The following MGAT4C variants were observed in gnomAD, a reference collection of about 807,000 sequenced individuals.
MGAT4C encodes alpha-1,3-mannosyl-glycoprotein 4-beta-N-acetylglucosaminyltransferase C.
Under a neutral mutation model 40.1 loss-of-function variants are expected in MGAT4C, and 19 were observed. The observed-to-expected ratio is 0.47, with a 90% confidence interval of 0.33 to 0.70. MGAT4C has a LOEUF of 0.70. Among genes scored for constraint, MGAT4C ranks in the 30% least tolerant of loss-of-function variants. The pLI, the probability that MGAT4C is intolerant of heterozygous loss-of-function variation, is 0.02. For missense variants in MGAT4C, 491 were observed against 563.2 expected, an observed-to-expected ratio of 0.87 and a Z score of 1.30; for synonymous variants, 181 against 187.1, an observed-to-expected ratio of 0.97 and a Z score of 0.27.
chr12:86,684,373 A>C (rs183956083), intron 2 of MGAT4C, among the ~76,000 whole-genome samples: 90 of 152,314 alleles, frequency 5.9e-4, no homozygotes, highest in African/African-American at 2.0e-3. Context: ...ATTAATTTTT[A>C]TGGCAGCATA....
At chr12:86,214,862 A>C (rs1384539558) in intron 1 of MGAT4C, among the ~76,000 whole-genome samples, 1 of 152,160 alleles carries the variant, frequency 6.6e-6, no homozygotes, top group Admixed American at 6.5e-5. Flanking sequence ...AAACATACGC[A>C]ATGGACATTC....
At chr12:86,085,645 CAA>C (rs1871673383) in intron 1 of MGAT4C, among the ~76,000 whole-genome samples, 2 of 151,872 alleles carry the variant, frequency 1.3e-5, no homozygotes, top group African/African-American at 4.8e-5. Flanking sequence ...ATCCATTTCA[CAA>C]AGAGGTAATA....
At chr12:86,508,048 T>A (rs1326922511) in intron 2 of MGAT4C, among the ~76,000 whole-genome samples, 3 of 151,756 alleles carry the variant, frequency 2.0e-5, no homozygotes, top group African/African-American at 7.3e-5. Flanking sequence ...ATGTGTGTCT[T>A]TAATATTTTT....
intron 1 of MGAT4C, among the ~76,000 whole-genome samples, chr12:86,119,722 CTTT>C (rs11306440): frequency 6.5e-5 from 8 of 122,186 alleles, no homozygotes; most frequent in Admixed American, 1.7e-4. Context: ...TCCCACCATT[CTTT>C]TTTTTTTTTT....
chr12:85,984,601 T>C (rs965131797), intron 3 of MGAT4C, among the ~76,000 whole-genome samples: 2 of 152,160 alleles, frequency 1.3e-5, no homozygotes, highest in East Asian at 1.9e-4. Context: ...TAATCATCAT[T>C]TGATCAAGCC....
At chr12:86,174,189 A>G (rs1417796085) in intron 1 of MGAT4C, among the ~76,000 whole-genome samples, 1 of 151,428 alleles carries the variant, frequency 6.6e-6, no homozygotes, top group African/African-American at 2.4e-5. Flanking sequence ...ATGCATCTTC[A>G]TTTTTGATAT....
intron 3 of MGAT4C, among the ~76,000 whole-genome samples, chr12:86,408,656 T>A (rs549951039): frequency 1.3e-5 from 2 of 151,658 alleles, no homozygotes; most frequent in South Asian, 4.2e-4. Flanking sequence ...GAAAGATTTA[T>A]AATAATTTTT....
chr12:85,989,630 G>A lies in MGAT4C; in HGVS notation c.-6-78C>T, dbSNP rs1885654399. 5 of 1,310,006 alleles carry A rather than the reference G, an allele frequency of 3.8e-6. No individual in the cohort carries two copies. In the African/African-American group the frequency reaches 4.5e-5, roughly 12 times the overall value. The allele number at this position is 1,310,006 out of a possible 1,614,324, so 81.1% of individuals were successfully genotyped here. On this transcript the variant is annotated intron_variant, in intron 2 of 4. Transcript: ENST00000611864. ...TCTTTATCGCATATATAAAAGTCAG[G>A]TCCTTGTAAAATTTCATCTTTCAAA...
intron 1 of MGAT4C, among the ~76,000 whole-genome samples, chr12:86,753,699 G>A (rs555897024): frequency 2.0e-4 from 30 of 151,994 alleles, no homozygotes; most frequent in Non-Finnish European, 3.8e-4. Context: ...AATTTAAAAG[G>A]TAGGCAAATG....
chr12:86,037,151 T>G (rs1485133520), intron 2 of MGAT4C, among the ~76,000 whole-genome samples: 1 of 150,202 alleles, frequency 6.7e-6, no homozygotes, highest in Non-Finnish European at 1.5e-5. Context: ...TCGATCATTT[T>G]TTATTGCATC....
intron 1 of MGAT4C, among the ~76,000 whole-genome samples, chr12:86,765,306 A>G (rs1396504021): frequency 1.3e-5 from 2 of 152,184 alleles, no homozygotes; most frequent in African/African-American, 2.4e-5. Flanking sequence ...CAAGAAGGGA[A>G]GTGTAGAGAA....
intron 3 of MGAT4C, among the ~76,000 whole-genome samples, chr12:86,359,229 T>A (rs553939546): frequency 6.6e-6 from 1 of 152,294 alleles, no homozygotes. Context: ...GAAGGACTAC[T>A]GGGTACCTAA....
In MGAT4C at chr12:85,962,062, A is replaced by AAACAAAGAGTT. The variant is rs1883139113; in HGVS notation, c.*17226_*17227insAACTCTTTGTT. The AAACAAAGAGTT allele has an allele frequency of 6.6e-6, 1 of 151,920 alleles. No individual in the cohort carries two copies. 9.4% of individuals were successfully genotyped at this position (151,920 alleles called of 1,614,324 possible). ...TTAGAAACTCTTAAATCTTCAATTT[A>AAACAAAGAGTT]TAAAAGTCATCCTAAGACGTTAAAA... is the stretch of plus-strand genomic sequence containing the variant. On this transcript the variant is annotated 3_prime_UTR_variant, in exon 5 of 5. Coordinates refer to ENST00000611864, the MANE Select transcript of MGAT4C (RefSeq NM_001351288.2).
chr12:86,153,047 A>G (rs999866795), intron 1 of MGAT4C, among the ~76,000 whole-genome samples: 3 of 152,196 alleles, frequency 2.0e-5, no homozygotes, highest in Non-Finnish European at 4.4e-5. Flanking sequence ...ACAGATCCCA[A>G]TCTGCACCAC....
chr12:86,750,897 T>G (rs1451602896), intron 1 of MGAT4C, among the ~76,000 whole-genome samples: 2 of 151,946 alleles, frequency 1.3e-5, no homozygotes, highest in Non-Finnish European at 2.9e-5. Context: ...CAGTTAGAAA[T>G]GCACCTGAAG....
At chr12:86,502,680 T>TCTGCTCATATATATACACGAGA (rs1958372861) in intron 2 of MGAT4C, among the ~76,000 whole-genome samples, 2 of 141,816 alleles carry the variant, frequency 1.4e-5, no homozygotes, top group African/African-American at 5.0e-5. Flanking sequence ...TATACACGAG[T>TCTGCTCATATATATACACGAGA]TCTGCTCATA....
chr12:86,471,520 CTAAA>C lies in MGAT4C; in HGVS notation c.-228-36259_-228-36256del, dbSNP rs1565784041. Among the ~76,000 whole-genome samples the C allele has an allele frequency of 5.9e-5, 9 of 151,994 alleles. No individual in the cohort carries two copies. In the South Asian group the frequency reaches 1.9e-3, roughly 31 times the overall value. ...GGAAGCCCACAAATTAAACAGTATA[CTAAA>C]TACTTACAAAAAAAGGAGAAAATGA... On this transcript the variant is annotated intron_variant, in intron 2 of 7. Coordinates refer to the MGAT4C transcript ENST00000548651.
chr12:86,489,502 C>A (rs939833812), intron 2 of MGAT4C, among the ~76,000 whole-genome samples: 1 of 152,210 alleles, frequency 6.6e-6, no homozygotes, highest in Non-Finnish European at 1.5e-5. Context: ...AGGCAAAGGG[C>A]CTATTGAGCT....
chr12:86,275,634 G>A (rs1953059103), intron 4 of MGAT4C, among the ~76,000 whole-genome samples: 1 of 152,170 alleles, frequency 6.6e-6, no homozygotes, highest in Admixed American at 6.5e-5. Flanking sequence ...AGGAAAGCCA[G>A]AGTCAGAGAA....
Sources: gnomAD v4.1 joint callset for allele counts (sites outside exome capture counted in the v4.1 genomes callset) on GRCh38, gnomAD v4.1.1 for gene constraint, MANE v1.5 for transcripts, NCBI Gene and HGNC (gene_info 2026-07-23, HGNC 2026-07-21) for gene names.